Variants in DCST2 observed in about 807,000 individuals in gnomAD.
The protein encoded by DCST2 is DC-STAMP domain-containing protein 2.
Under a neutral mutation model 81.8 loss-of-function variants are expected in DCST2, and 64 were observed. The ratio of observed to expected loss-of-function variants is 0.78; its 90% CI spans 0.64 to 0.96. The LOEUF is 0.96. DCST2 is among the 40% of genes least tolerant of loss of function. DCST2 has a pLI of 0.00. For synonymous variants in DCST2, 354 were observed against 402.6 expected, an observed-to-expected ratio of 0.88 and a Z score of 1.44; for missense variants, 945 against 1,001.4, an observed-to-expected ratio of 0.94 and a Z score of 0.76.
chr1:155,030,058 G>A, intron 7 of DCST2, 26 bp downstream of exon 7: 2 of 1,610,948 alleles, frequency 1.2e-6, no homozygotes, highest in Non-Finnish European at 1.7e-6. Context: ...CCTGGCTTGG[G>A]CTCTCCCTGT....
rs144162992 is a variant in DCST2 at position 155,032,762 on chromosome 1, A to G, written c.446T>C (p.Leu149Pro). Residue 149 changes from leucine to proline, a missense_variant, in exon 3 of 15, where the codon CTG (leucine) becomes CCG (proline). Transcript: ENST00000368424. ...QRAKQPLVSA[L>P]NKIKAIARKT... ...CCGGGCAATAGCTTTAATCTTGTTCAGGGCACCTGATGGGTGAGGGACAGA... is the reference window on the plus strand; with the variant it reads ...CCGGGCAATAGCTTTAATCTTGTTCGGGGCACCTGATGGGTGAGGGACAGA... 5.6e-6 allele frequency: 9 copies of G among 1,614,070 alleles called. No individual in the cohort carries two copies. The highest frequency in any genetic ancestry group is 7.6e-6 in the Non-Finnish European group (9 of 1,179,948).
Position 155,033,256 on chromosome 1 carries a change from G to C in DCST2, c.277C>G (p.Arg93Gly). Reference protein sequence around the residue: ...LLPQAFSRQGRTLLLVAAFGL... With the variant: ...LLPQAFSRQGGTLLLVAAFGL... ...AAAGCAGCCACCAACAGTAGTGTCC[G>C]GCCCTGCCCTGGGGGCGACAGCTTT... Residue 93 changes from arginine (R) to glycine (G), a missense_variant, in exon 2 of 15, where the codon CGG becomes GGG. Arg to Gly is a moderately radical substitution (Grantham distance 125). Coordinates refer to ENST00000368424, the MANE Select transcript of DCST2 (RefSeq NM_144622.3). The C allele has an allele frequency of 6.2e-7, 1 of 1,609,728 alleles. No homozygotes were observed. Among genetic ancestry groups the C allele is most frequent in the Non-Finnish European group, 8.5e-7 (1 of 1,178,388 alleles).
intron 11 of DCST2, 87 bp from the exon 12 acceptor site, chr1:155,024,046 G>A: frequency 1.3e-6 from 2 of 1,517,140 alleles, no homozygotes; most frequent in Non-Finnish European, 1.8e-6. Context: ...ATGGCAGGGA[G>A]GACTTCCTGA....
chr1:155,023,754 G>T, intron 12 of DCST2, 78 bp downstream of exon 12: 1 of 1,601,636 alleles, frequency 6.2e-7, no homozygotes, highest in East Asian at 2.2e-5. Context: ...AGTCCATCAA[G>T]GAAGGACCAC....
At chr1:155,029,131 G>A (rs1239365225) in intron 8 of DCST2, 102 bp downstream of exon 8, 1 of 1,396,580 alleles carries the variant, frequency 7.2e-7, no homozygotes, top group African/African-American at 1.4e-5. Context: ...CCAGGACTGA[G>A]GATGGGAAGA....
chr1:155,029,228 C>T lies in DCST2; in HGVS notation c.1342+5G>A. On this transcript the variant is annotated splice_donor_5th_base_variant and intron_variant, in intron 8 of 14. Coordinates refer to ENST00000368424, the MANE Select transcript of DCST2 (RefSeq NM_144622.3). ...GTGGGAGGAGGCTGTCACGTAGGCA[C>T]TCACTGCGGGCCACAATCTCCCCCT... The T allele has an allele frequency of 6.2e-7, 1 of 1,612,854 alleles. No homozygotes were observed. The highest frequency in any genetic ancestry group is 8.5e-7 in the Non-Finnish European group (1 of 1,179,728).
chr1:155,030,030 G>A (rs375685016), intron 7 of DCST2, 54 bp downstream of exon 7: 1 of 1,604,546 alleles, frequency 6.2e-7, no homozygotes, highest in Non-Finnish European at 8.5e-7. Context: ...CAGCGGGGTG[G>A]GGGGAAGCCC....
chr1:155,027,055 C>T (rs980097326), intron 8 of DCST2, among the ~76,000 whole-genome samples: 3 of 151,904 alleles, frequency 2.0e-5, no homozygotes, highest in African/African-American at 7.3e-5. Context: ...TTTTTTGAGA[C>T]AGGGTTTCAC....
chr1:155,032,611 C>G, intron 3 of DCST2, 56 bp downstream of exon 3: 6 of 1,517,232 alleles, frequency 4.0e-6, no homozygotes, highest in Non-Finnish European at 5.5e-6. Context: ...GCCACCGCAC[C>G]CGGCCAGGAC....
At position 155,033,113 on chromosome 1, in the gene DCST2, C is replaced by T. The variant is rs1296663387; in HGVS notation, c.420G>A (p.Arg140=). The T allele has an allele frequency of 1.9e-6, 3 of 1,586,474 alleles. No individual in the cohort carries two copies. The highest frequency in any genetic ancestry group is 1.8e-5 in the Admixed American group (1 of 54,368). ...ACTTACTGACAAGAGGTTGCTTGGC[C>T]CTCTGTAGCACTTCGGCGGTCTGGT... is the stretch of plus-strand genomic sequence containing the variant. ...ALNQTAEVLQ[R]AKQPLVSALN... is the part of the protein sequence containing the mutation. The change falls in exon 2 of 15, where the codon AGG becomes AGA. Residue 140 remains arginine (R), a synonymous_variant. Coordinates refer to ENST00000368424, the MANE Select transcript of DCST2 (RefSeq NM_144622.3).
chr1:155,023,906 C>A lies in DCST2; in HGVS notation c.1796G>T (p.Cys599Phe). The change falls in exon 12 of 15, where the codon TGC becomes TTC. Residue 599 changes from cysteine to phenylalanine, a missense_variant. Physicochemically the swap from Cys to Phe is radical, Grantham distance 205 (BLOSUM62 -2). Coordinates refer to ENST00000368424, the MANE Select transcript of DCST2 (RefSeq NM_144622.3). ...ATCCTGGGGCTGCCCACAGCCCAGG[C>A]AGTAGGCCTGATGCAGCCAAAAGTG... Reference protein sequence around the residue: ...VSHFWLHQAYCLGCGQPQDEG... With the variant: ...VSHFWLHQAYFLGCGQPQDEG... 1 of 1,613,690 alleles carries A rather than the reference C, an allele frequency of 6.2e-7. No homozygotes were observed. Among genetic ancestry groups the A allele is most frequent in the Non-Finnish European group, 8.5e-7 (1 of 1,179,914 alleles).
At position 155,026,551 on chromosome 1, in the gene DCST2, T is replaced by G. The variant is rs977458312; in HGVS notation, c.1507A>C (p.Ile503Leu). 2 of 1,614,166 alleles carry G rather than the reference T, an allele frequency of 1.2e-6. No individual in the cohort carries two copies. Among genetic ancestry groups the G allele is most frequent in the Non-Finnish European group, 1.7e-6 (2 of 1,180,026 alleles). The change falls in exon 9 of 15, where the codon ATT (isoleucine) becomes CTT (leucine). Residue 503 changes from isoleucine (I) to leucine (L), a missense_variant. Physicochemically the swap from Ile to Leu is conservative, Grantham distance 5 (BLOSUM62 2). Transcript: ENST00000368424. ...GACCTCAGGGTGTAGTTGATACCAA[T>G]GACTATGTAGCCAGTGCTGTCAGGC... ...SEPDSTGYIV[I>L]GVMYGLCFFI...
At position 155,030,762 on chromosome 1, in the gene DCST2, C is replaced by G. The variant is rs1196332869; in HGVS notation, c.806-117G>C. ...GCGCAGCTTACAGACCAGCTGGGAA[C>G]CCCCCAGTGCTTGGGTCAAGGTGGA... On this transcript the variant is annotated intron_variant, in intron 5 of 14. Transcript: ENST00000368424. 2.8e-6 allele frequency: 3 copies of G among 1,081,306 alleles called. No individual in the cohort carries two copies. The South Asian group carries it at 4.6e-5, about 16-fold the overall frequency. 67.0% of individuals were successfully genotyped at this position (1,081,306 alleles called of 1,614,324 possible).
At chr1:155,030,272 C>A in intron 6 of DCST2, 31 bp from the exon 7 acceptor site, 1 of 1,613,176 alleles carries the variant, frequency 6.2e-7, no homozygotes, top group Non-Finnish European at 8.5e-7. Context: ...ACATGTGAGG[C>A]CCCTTAGGAC....
chr1:155,033,594 T>G lies in DCST2; in HGVS notation c.108A>C (p.Leu36Phe), dbSNP rs1348179645. ...SVGGFTLGLS[L>F]ATAYGLLELL... is the part of the protein sequence containing the mutation. ...GCTCCAGAAGCCCGTAGGCCGTGGCTAAAGACAAGCCCAGGGTAAAACCTC... is the reference window on the plus strand; with the variant it reads ...GCTCCAGAAGCCCGTAGGCCGTGGCGAAAGACAAGCCCAGGGTAAAACCTC... Residue 36 changes from leucine (L) to phenylalanine (F), a missense_variant, in exon 1 of 15, where the codon TTA (leucine) becomes TTC (phenylalanine). Coordinates refer to ENST00000368424, the MANE Select transcript of DCST2 (RefSeq NM_144622.3). The G allele has an allele frequency of 6.2e-7, 1 of 1,614,144 alleles. No individual in the cohort carries two copies. Among genetic ancestry groups the G allele is most frequent in the African/African-American group, 1.3e-5 (1 of 75,028 alleles).
chr1:155,018,784 G>T (rs1449946626), intron 14 of DCST2, 24 bp from the exon 15 acceptor site: 8 of 1,603,650 alleles, frequency 5.0e-6, no homozygotes, highest in Non-Finnish European at 6.0e-6. Flanking sequence ...GAAGGGGGTG[G>T]CCGGATCACC....
Position 155,031,774 on chromosome 1 carries a change from G to A in DCST2, c.542-3C>T, listed in dbSNP as rs375584127. 37 of 1,613,236 alleles carry A rather than the reference G, an allele frequency of 2.3e-5. No individual in the cohort carries two copies. In the African/African-American group the frequency reaches 4.1e-4, roughly 18 times the overall value. The stretch of plus-strand genomic sequence containing the variant: ...CCACACATTCCGGAGAGCCCTGGCT[G>A]GGGACAGCTGCAGGGTTGGCACCCA... On this transcript the variant is annotated splice_polypyrimidine_tract_variant and splice_region_variant and intron_variant, in intron 3 of 14. Coordinates refer to ENST00000368424, the MANE Select transcript of DCST2 (RefSeq NM_144622.3).
Position 155,029,236 on chromosome 1 carries a change from G to T in DCST2, c.1339C>A (p.Arg447Ser). 1 of 1,613,076 alleles carries T rather than the reference G, an allele frequency of 6.2e-7. No homozygotes were observed. The change falls in exon 8 of 15, where the codon CGC becomes AGC. Residue 447 changes from arginine (R) to serine (S), a missense_variant. Arg to Ser is a moderately radical substitution (Grantham distance 110). Transcript: ENST00000368424. ...RHQLQGEIVARSPVLVSLTVE... is the reference protein window; with the variant it reads ...RHQLQGEIVASSPVLVSLTVE... ...AGGCTGTCACGTAGGCACTCACTGC[G>T]GGCCACAATCTCCCCCTGCAGCTGG...
rs138589439 is a variant in DCST2 at position 155,030,158 on chromosome 1, G to A, written c.1103C>T (p.Ala368Val). ...YITSRFLRMEAVRSTAGLPTV... is the reference protein window; with the variant it reads ...YITSRFLRMEVVRSTAGLPTV... ...GGGCAGCCCTGCCGTGGAGCGCACAGCCTCCATGCGCAGGAATCGGCTAGT... is the reference window on the plus strand; with the variant it reads ...GGGCAGCCCTGCCGTGGAGCGCACAACCTCCATGCGCAGGAATCGGCTAGT... The change falls in exon 7 of 15, where the codon GCT (alanine) becomes GTT (valine). Residue 368 changes from alanine to valine, a missense_variant. Physicochemically the swap from Ala to Val is moderately conservative, Grantham distance 64 (BLOSUM62 0). Coordinates refer to ENST00000368424, the MANE Select transcript of DCST2 (RefSeq NM_144622.3). 1.1e-3 allele frequency: 1,722 copies of A among 1,614,190 alleles called. 5 individuals carry two copies. Among genetic ancestry groups the A allele is most frequent in the Middle Eastern group, 6.1e-3 (37 of 6,056 alleles).
Sources: allele counts gnomAD v4.1 joint callset (sites outside exome capture counted in the v4.1 genomes callset), GRCh38; gene constraint gnomAD v4.1.1; transcripts MANE v1.5; gene names NCBI Gene and HGNC (gene_info 2026-07-23, HGNC 2026-07-21).